The following BAZ2B variants were observed in gnomAD, a reference collection of about 807,000 sequenced individuals.
BAZ2B encodes bromodomain adjacent to zinc finger domain protein 2B.
A neutral mutation model predicts 246.0 loss-of-function variants in BAZ2B; 91 were observed. The ratio of observed to expected loss-of-function variants is 0.37; its 90% CI spans 0.31 to 0.44. The LOEUF (loss-of-function observed/expected upper bound fraction) is 0.44. Among genes scored for constraint, BAZ2B ranks in the 20% least tolerant of loss-of-function variants. The pLI, the probability that BAZ2B is intolerant of heterozygous loss-of-function variation, is 1.00. For missense variants in BAZ2B, 2,332 were observed against 2,533.7 expected (o/e 0.92, Z 1.71); for synonymous variants, 855 against 860.0 (o/e 0.99, Z 0.10).
At chr2:159,382,922 A>T in intron 24 of BAZ2B, 120 bp from the exon 25 acceptor site, 1 of 1,302,040 alleles carries the variant, frequency 7.7e-7, no homozygotes, top group Non-Finnish European at 1.0e-6. Flanking sequence ...GTTAAGCGAT[A>T]TACCAATGTT....
At chr2:159,594,795 T>C (rs934428664) in intron 1 of BAZ2B, among the ~76,000 whole-genome samples, 3 of 152,086 alleles carry the variant, frequency 2.0e-5, no homozygotes, top group African/African-American at 7.2e-5. Flanking sequence ...ACATACCCAG[T>C]GAATTTTTTG....
chr2:159,702,084 T>A, the BAZ2B span, among the ~76,000 whole-genome samples: 1,154 of 151,926 alleles, frequency 7.6e-3, 12 homozygotes, highest in Non-Finnish European at 0.012. Flanking sequence ...TTTTTTTCAC[T>A]ACATATCTGT....
At chr2:159,573,821 A>G (rs991794098) in intron 1 of BAZ2B, among the ~76,000 whole-genome samples, 1 of 152,202 alleles carries the variant, frequency 6.6e-6, no homozygotes, top group South Asian at 2.1e-4. Flanking sequence ...CAACACAGCC[A>G]GGCACAGGTG....
intron 2 of BAZ2B, among the ~76,000 whole-genome samples, chr2:159,526,678 C>T (rs180751514): frequency 6.4e-4 from 98 of 152,002 alleles, no homozygotes; most frequent in African/African-American, 2.2e-3. Context: ...TGAAATAAAC[C>T]AGTCATGAGG....
chr2:159,512,281 A>G (rs1373149355), intron 2 of BAZ2B, among the ~76,000 whole-genome samples: 1 of 152,194 alleles, frequency 6.6e-6, no homozygotes, highest in Admixed American at 6.5e-5. Flanking sequence ...ATTAATTCAC[A>G]TGAAATAACT....
chr2:159,689,092 T>C, the BAZ2B span: 5 of 254,390 alleles, frequency 2.0e-5, no homozygotes, highest in African/African-American at 9.4e-5. Flanking sequence ...CCATTAATGA[T>C]TTTTGCCTGA....
At chr2:159,595,491 C>T (rs1690475211) in intron 1 of BAZ2B, among the ~76,000 whole-genome samples, 2 of 152,084 alleles carry the variant, frequency 1.3e-5, no homozygotes, top group African/African-American at 2.4e-5. Flanking sequence ...AAGAGGTATG[C>T]GTGCTGTAAA....
chr2:159,342,641 C>T (rs1260357530), intron 31 of BAZ2B, among the ~76,000 whole-genome samples: 1 of 152,026 alleles, frequency 6.6e-6, no homozygotes, highest in Non-Finnish European at 1.5e-5. Flanking sequence ...ATCAAGAAGG[C>T]AATCCCATTT....
At chr2:159,418,950 A>T (rs1328329387) in intron 13 of BAZ2B, among the ~76,000 whole-genome samples, 1 of 152,174 alleles carries the variant, frequency 6.6e-6, no homozygotes, top group Non-Finnish European at 1.5e-5. Context: ...GTATGTTTTA[A>T]ATCTGGATTA....
the BAZ2B span, among the ~76,000 whole-genome samples, chr2:159,673,550 A>G: frequency 1.3e-5 from 2 of 152,232 alleles, no homozygotes; most frequent in Non-Finnish European, 2.9e-5. Context: ...ATATGTATGT[A>G]CAAGGTGATG....
chr2:159,614,209 A>G (rs1695342614), intron 1 of BAZ2B, among the ~76,000 whole-genome samples: 1 of 152,330 alleles, frequency 6.6e-6, no homozygotes. Flanking sequence ...TCATGTGACC[A>G]AACCAACTTT....
chr2:159,472,305 G>A (rs893174244), intron 3 of BAZ2B, among the ~76,000 whole-genome samples: 1 of 152,148 alleles, frequency 6.6e-6, no homozygotes, highest in African/African-American at 2.4e-5. Flanking sequence ...CATTGATTTT[G>A]TATCCTGAGA....
At chr2:159,336,122 C>T (rs1446479601) in intron 33 of BAZ2B, among the ~76,000 whole-genome samples, 2 of 152,174 alleles carry the variant, frequency 1.3e-5, no homozygotes, top group African/African-American at 2.4e-5. Context: ...GATTGTGCCA[C>T]TGCACTCCAG....
At position 159,382,717 on chromosome 2, in the gene BAZ2B, T is replaced by G; in HGVS notation, c.3847A>C (p.Thr1283Pro). 1 of 1,613,694 alleles carries G rather than the reference T, an allele frequency of 6.2e-7. No homozygotes were observed. Among genetic ancestry groups the G allele is most frequent in the Non-Finnish European group, 8.5e-7 (1 of 1,179,854 alleles). Reference sequence around the variant, plus strand: ...CTTCGCTTGCGTCCTGGAGTGGGTGTGCCCAAGGGATGCTGCTCTTCTCCC... The same window carrying G: ...CTTCGCTTGCGTCCTGGAGTGGGTGGGCCCAAGGGATGCTGCTCTTCTCCC... ...DLGEEQHPLG[T>P]PTPGRKRRRK... Residue 1283 changes from threonine to proline, a missense_variant, in exon 25 of 37, where the codon ACA becomes CCA. Physicochemically the swap from Thr to Pro is conservative, Grantham distance 38. Around this residue, in one of 9 missense-constraint regions of BAZ2B, gnomAD observed 328 missense variants for 410.4 expected, o/e 0.80. Transcript: ENST00000392783.
Position 159,501,123 on chromosome 2 carries a change from A to AAT in BAZ2B, c.-2-22404_-2-22403dup, listed in dbSNP as rs142068248. On this transcript the variant is annotated intron_variant, in intron 2 of 36. Coordinates refer to ENST00000392783, the MANE Select transcript of BAZ2B (RefSeq NM_013450.4). ...CATCTCTGTTTAAAAATATATATAT[A>AAT]ATATATATATATATTTTATATATAT... is the stretch of plus-strand genomic sequence containing the variant. Among the ~76,000 whole-genome samples, 36 of 71,880 alleles carry AAT rather than the reference A, an allele frequency of 5.0e-4. No homozygotes were observed. In the East Asian group the frequency reaches 6.9e-3, roughly 14 times the overall value. 47.2% of individuals were successfully genotyped at this position (71,880 alleles called of 152,430 possible).
At chr2:159,436,750 C>CA (rs946413801) in intron 8 of BAZ2B, among the ~76,000 whole-genome samples, 5 of 150,654 alleles carry the variant, frequency 3.3e-5, no homozygotes, top group East Asian at 1.9e-4. Context: ...GACTCTGTCT[C>CA]AAAAAAAAGA....
intron 2 of BAZ2B, among the ~76,000 whole-genome samples, chr2:159,551,663 C>T (rs541225219): frequency 6.6e-6 from 1 of 152,006 alleles, no homozygotes; most frequent in Non-Finnish European, 1.5e-5. Flanking sequence ...AAGAAAATAA[C>T]CTCTGAATTA....
At chr2:159,544,247 A>G (rs2087020983) in intron 2 of BAZ2B, among the ~76,000 whole-genome samples, 1 of 152,164 alleles carries the variant, frequency 6.6e-6, no homozygotes, top group East Asian at 1.9e-4. Flanking sequence ...AAACAGTGAT[A>G]ATAATGGTGT....
At chr2:159,588,050 C>T (rs1293040248) in intron 1 of BAZ2B, among the ~76,000 whole-genome samples, 2 of 151,652 alleles carry the variant, frequency 1.3e-5, no homozygotes, top group East Asian at 1.9e-4. Flanking sequence ...ACAAATTGGC[C>T]GAACACGGTG....
Sources: allele counts gnomAD v4.1 joint callset (sites outside exome capture counted in the v4.1 genomes callset), GRCh38; gene constraint gnomAD v4.1.1; regional missense constraint gnomAD v4.1.1; transcripts MANE v1.5; gene names NCBI Gene and HGNC (gene_info 2026-07-23, HGNC 2026-07-21).